SGMS1: variants seen among roughly 807,000 people sequenced by gnomAD.
The protein encoded by SGMS1 is phosphatidylcholine:ceramide cholinephosphotransferase 1.
Under a neutral mutation model 46.2 loss-of-function variants are expected in SGMS1, and 13 were observed. That is an observed-to-expected ratio of 0.28 (90% confidence interval 0.18 to 0.45). The LOEUF (loss-of-function observed/expected upper bound fraction) is 0.45, where lower values mean the gene tolerates loss of function less well. Among genes scored for constraint, SGMS1 ranks in the 20% least tolerant of loss-of-function variants. The pLI is 1.00. For missense variants in SGMS1, 324 were observed against 519.9 expected (o/e 0.62, Z 3.66); for synonymous variants, 203 against 187.8 (o/e 1.08, Z -0.66).
chr10:50,355,745 T>C (rs1407261154), intron 6 of SGMS1, among the ~76,000 whole-genome samples: 1 of 151,154 alleles, frequency 6.6e-6, no homozygotes, highest in Non-Finnish European at 1.5e-5. Flanking sequence ...TCGTCTGGGA[T>C]GTGAGGAGCC....
intron 2 of SGMS1, among the ~76,000 whole-genome samples, chr10:50,527,694 G>A (rs567065096): frequency 4.6e-5 from 7 of 152,166 alleles, no homozygotes; most frequent in Non-Finnish European, 1.0e-4. Context: ...ACAGGAAGAA[G>A]AAAAGGCCTT....
In SGMS1 at chr10:50,382,568, TACAC is replaced by T. The variant is rs57835243; in HGVS notation, c.-231-38227_-231-38224del. On this transcript the variant is annotated intron_variant, in intron 6 of 10. Coordinates refer to ENST00000361781, the MANE Select transcript of SGMS1 (RefSeq NM_147156.4). ...GAAAACACACACACAAACACACACA[TACAC>T]ACACACACACACACACACACAACTT... Among the ~76,000 whole-genome samples the T allele has an allele frequency of 3.1e-3, 437 of 142,756 alleles. 1 individual carries two copies. The highest frequency in any genetic ancestry group is 4.9e-3 in the Non-Finnish European group (324 of 66,044). The allele number at this position is 142,756 out of a possible 152,430, so 93.7% of individuals were successfully genotyped here.
At chr10:50,607,654 CA>C (rs1432016624) in intron 1 of SGMS1, among the ~76,000 whole-genome samples, 2 of 152,130 alleles carry the variant, frequency 1.3e-5, no homozygotes, top group African/African-American at 2.4e-5. Context: ...ACAAAAATAT[CA>C]GGGAAAAATG....
In SGMS1 at chr10:50,532,225, CTGTGTGTGTGTGTGTGTG is replaced by C. The variant is rs71029313; in HGVS notation, c.-588-12322_-588-12305del. Among the ~76,000 whole-genome samples the C allele has an allele frequency of 2.1e-3, 274 of 130,590 alleles. 3 individuals carry two copies. The East Asian group carries it at 0.031, about 15-fold the overall frequency. 85.7% of individuals were successfully genotyped at this position (130,590 alleles called of 152,430 possible). ...CTCCACGGTCCCAGTCTGAATGAGA[CTGTGTGTGTGTGTGTGTG>C]TGTGTGTGTGTGTGTGTGTGTGTGT... On this transcript the variant is annotated intron_variant, in intron 2 of 10. Transcript: ENST00000361781.
At chr10:50,419,384 G>A (rs1427163316) in intron 6 of SGMS1, among the ~76,000 whole-genome samples, 1 of 152,078 alleles carries the variant, frequency 6.6e-6, no homozygotes, top group African/African-American at 2.4e-5. Context: ...TAGTTCTCTG[G>A]TATTCCCTGG....
chr10:50,427,300 G>C (rs1397830151), intron 6 of SGMS1, among the ~76,000 whole-genome samples: 1 of 152,208 alleles, frequency 6.6e-6, no homozygotes, highest in East Asian at 1.9e-4. Flanking sequence ...TCCGGAGGCT[G>C]AGGCAGGAGA....
intron 6 of SGMS1, among the ~76,000 whole-genome samples, chr10:50,375,329 A>G (rs12355439): frequency 0.12 from 17,979 of 152,196 alleles, 1,198 homozygotes; most frequent in Middle Eastern, 0.21. Flanking sequence ...CATTGAGCAC[A>G]TGGATTTGTA....
intron 2 of SGMS1, among the ~76,000 whole-genome samples, chr10:50,530,483 C>G (rs1300574627): frequency 6.6e-6 from 1 of 152,138 alleles, no homozygotes; most frequent in Non-Finnish European, 1.5e-5. Flanking sequence ...TACTGAGAAG[C>G]AGAATCTTCT....
At chr10:50,524,798 A>G (rs967253755) in intron 2 of SGMS1, among the ~76,000 whole-genome samples, 1 of 152,210 alleles carries the variant, frequency 6.6e-6, no homozygotes, top group Admixed American at 6.5e-5. Flanking sequence ...AATTAACAGC[A>G]TAATAGGTAC....
At chr10:50,463,572 T>G (rs1281319191) in intron 4 of SGMS1, among the ~76,000 whole-genome samples, 1 of 152,214 alleles carries the variant, frequency 6.6e-6, no homozygotes, top group Non-Finnish European at 1.5e-5. Context: ...GGTACACTGT[T>G]GGTGGGAATG....
At chr10:50,464,912 T>C (rs1343964790) in intron 4 of SGMS1, among the ~76,000 whole-genome samples, 1 of 152,178 alleles carries the variant, frequency 6.6e-6, no homozygotes, top group African/African-American at 2.4e-5. Context: ...CCTACTCCTA[T>C]AAGAAGGGGC....
chr10:50,456,980 T>C (rs1837199373), intron 5 of SGMS1, among the ~76,000 whole-genome samples: 1 of 152,190 alleles, frequency 6.6e-6, no homozygotes, highest in African/African-American at 2.4e-5. Flanking sequence ...TGAAACTGGA[T>C]TTTCTCATCA....
intron 2 of SGMS1, among the ~76,000 whole-genome samples, chr10:50,540,426 C>T (rs981182634): frequency 3.9e-5 from 6 of 152,166 alleles, no homozygotes; most frequent in African/African-American, 1.2e-4. Context: ...ACAATTACCA[C>T]TACTCTCATT....
rs537200843 is a variant in SGMS1 at position 50,575,291 on chromosome 10, C to T, written c.-589+14862G>A. Among the ~76,000 whole-genome samples the T allele has an allele frequency of 5.3e-5, 8 of 152,240 alleles. No individual in the cohort carries two copies. The East Asian group carries it at 5.8e-4, about 11-fold the overall frequency. ...TATCTGGGCCAGGCACAGTGGCTCA[C>T]GCCTACAATTCCAACGCTTTATAAG... On this transcript the variant is annotated intron_variant, in intron 2 of 10. Transcript: ENST00000361781.
chr10:50,624,849 G>A (rs1447360692), upstream of SGMS1: 4 of 992,746 alleles, frequency 4.0e-6, no homozygotes, highest in Admixed American at 1.2e-4. Flanking sequence ...CAGGCAGCCC[G>A]AGGCCGTGCC....
chr10:50,589,768 G>A (rs1391264059), intron 2 of SGMS1, among the ~76,000 whole-genome samples: 8 of 152,164 alleles, frequency 5.3e-5, no homozygotes. Context: ...CAGCACGCCT[G>A]GCCTAAAAAT....
chr10:50,526,207 C>T (rs1837899851), intron 2 of SGMS1, among the ~76,000 whole-genome samples: 1 of 152,090 alleles, frequency 6.6e-6, no homozygotes, highest in South Asian at 2.1e-4. Flanking sequence ...GACTGGAAGG[C>T]CTCAGGAAAC....
chr10:50,623,496 G>T, intron 1 of SGMS1: 1 of 865,402 alleles, frequency 1.2e-6, no homozygotes, highest in Non-Finnish European at 1.4e-6. Flanking sequence ...CCGGCCGCCG[G>T]ACCTCCCCGC....
chr10:50,547,686 ATTC>A (rs1838113171), intron 2 of SGMS1, among the ~76,000 whole-genome samples: 1 of 152,212 alleles, frequency 6.6e-6, no homozygotes, highest in African/African-American at 2.4e-5. Context: ...TCCCTAACTC[ATTC>A]TATGAGGTCA....
Sources: gnomAD v4.1 joint callset for allele counts (sites outside exome capture counted in the v4.1 genomes callset) on GRCh38, gnomAD v4.1.1 for gene constraint, MANE v1.5 for transcripts, NCBI Gene and HGNC (gene_info 2026-07-23, HGNC 2026-07-21) for gene names.